Variants in CREB5 observed in about 807,000 individuals in gnomAD.
The protein encoded by CREB5 is cyclic AMP-responsive element-binding protein 5.
In CREB5, 19 loss-of-function variants were observed where a neutral mutation model predicts 57.1. The ratio of observed to expected loss-of-function variants is 0.33; its 90% confidence interval spans 0.23 to 0.49. The LOEUF is 0.49. Among genes scored for constraint, CREB5 ranks in the 20% least tolerant of loss-of-function variants. The pLI, the probability that CREB5 is intolerant of heterozygous loss-of-function variation, is 0.99. For synonymous variants in CREB5, 238 were observed against 238.3 expected, an observed-to-expected ratio of 1.00 and a Z score of 0.01; for missense variants, 579 against 671.6, an observed-to-expected ratio of 0.86 and a Z score of 1.52.
At chr7:28,783,333 A>G (rs1807100638) in intron 7 of CREB5, among the ~76,000 whole-genome samples, 1 of 152,164 alleles carries the variant, frequency 6.6e-6, no homozygotes, top group African/African-American at 2.4e-5. Flanking sequence ...ATATTCTTAT[A>G]TTAGATTCAT....
chr7:28,571,863 C>T (rs765029534), intron 5 of CREB5, among the ~76,000 whole-genome samples: 6 of 152,166 alleles, frequency 3.9e-5, no homozygotes, highest in Admixed American at 1.3e-4. Flanking sequence ...TGTTGCTGGT[C>T]GCTGAGAACT....
intron 5 of CREB5, among the ~76,000 whole-genome samples, chr7:28,607,638 A>G (rs1212510956): frequency 1.3e-5 from 2 of 152,098 alleles, no homozygotes; most frequent in Admixed American, 6.5e-5. Flanking sequence ...AGTGTAGTGC[A>G]TTGGAAGGAA....
chr7:28,741,310 T>C (rs753287893), intron 7 of CREB5, among the ~76,000 whole-genome samples: 1 of 152,148 alleles, frequency 6.6e-6, no homozygotes, highest in Non-Finnish European at 1.5e-5. Flanking sequence ...CCATAACGTA[T>C]CTGAAAGAGC....
chr7:28,604,343 A>G (rs1173701732), intron 5 of CREB5, among the ~76,000 whole-genome samples: 1 of 152,196 alleles, frequency 6.6e-6, no homozygotes, highest in East Asian at 1.9e-4. Context: ...ATTTTCTGCC[A>G]TCATATACTT....
At chr7:28,523,759 A>G (rs1282271359) in intron 4 of CREB5, among the ~76,000 whole-genome samples, 2 of 152,140 alleles carry the variant, frequency 1.3e-5, no homozygotes, top group Admixed American at 6.5e-5. Flanking sequence ...ACCGAATCTA[A>G]TCCACGCATG....
intron 5 of CREB5, among the ~76,000 whole-genome samples, chr7:28,585,260 T>C (rs1796266009): frequency 6.6e-6 from 1 of 152,232 alleles, no homozygotes; most frequent in Non-Finnish European, 1.5e-5. Flanking sequence ...CCTTCTAAGA[T>C]GTTCTTAGCA....
chr7:28,613,626 C>T (rs949885997), intron 5 of CREB5, among the ~76,000 whole-genome samples: 2 of 152,232 alleles, frequency 1.3e-5, no homozygotes, highest in African/African-American at 4.8e-5. Flanking sequence ...TCACCGATTA[C>T]TGGTCATTAA....
intron 4 of CREB5, among the ~76,000 whole-genome samples, chr7:28,548,464 A>C (rs966369492): frequency 1.2e-4 from 18 of 152,188 alleles, no homozygotes; most frequent in African/African-American, 3.9e-4. Flanking sequence ...GATGACATTC[A>C]TGGTACCACC....
At position 28,804,329 on chromosome 7, in the gene CREB5, CGCATCA is replaced by C. The variant is rs941270470; in HGVS notation, c.837_842del (p.His281_Gln282del). 6.2e-7 allele frequency: 1 copy of C among 1,613,636 alleles called. No individual in the cohort carries two copies. Among genetic ancestry groups the C allele is most frequent in the African/African-American group, 1.3e-5 (1 of 74,844 alleles). ...CCACACCATCACATGCACTCGCACCCGCATCAGCACCAGACACTGCCACCCCATCAC... is the reference window on the plus strand; with the variant it reads ...CCACACCATCACATGCACTCGCACCCGCACCAGACACTGCCACCCCATCAC... On this transcript the variant is annotated inframe_deletion, in exon 8 of 11. Coordinates refer to ENST00000357727, the MANE Select transcript of CREB5 (RefSeq NM_182898.4).
Position 28,585,690 on chromosome 7 carries a change from G to A in CREB5, c.464+15153G>A, listed in dbSNP as rs115432475. Among the ~76,000 whole-genome samples, 740 of 152,088 alleles carry A rather than the reference G, an allele frequency of 4.9e-3. 3 individuals are homozygous for A. Among genetic ancestry groups the A allele is most frequent in the Middle Eastern group, 0.017 (5 of 292 alleles). On this transcript the variant is annotated intron_variant, in intron 5 of 10. Transcript: ENST00000357727. ...TATGCTCCCAGAAACCTAATGCTCCGAGAAATCCAATAAAGCCCCACCACC... is the reference window on the plus strand; with the variant it reads ...TATGCTCCCAGAAACCTAATGCTCCAAGAAATCCAATAAAGCCCCACCACC...
intron 4 of CREB5, among the ~76,000 whole-genome samples, chr7:28,538,054 T>C (rs1421990564): frequency 6.6e-6 from 1 of 151,784 alleles, no homozygotes; most frequent in Admixed American, 6.6e-5. Context: ...TCGTTTTGTT[T>C]TGTTTTTATT....
chr7:28,315,335 T>A (rs1258847714), intron 1 of CREB5, among the ~76,000 whole-genome samples: 3 of 152,198 alleles, frequency 2.0e-5, no homozygotes, highest in South Asian at 4.1e-4. Flanking sequence ...GATTTGACAA[T>A]TTTATTTTTT....
At chr7:28,577,178 A>T (rs547107158) in intron 5 of CREB5, among the ~76,000 whole-genome samples, 1 of 152,164 alleles carries the variant, frequency 6.6e-6, no homozygotes, top group Admixed American at 6.5e-5. Flanking sequence ...CTTTACCTAC[A>T]TATAAAGGGG....
chr7:28,469,424 A>G (rs969357611), intron 1 of CREB5, among the ~76,000 whole-genome samples: 1 of 152,210 alleles, frequency 6.6e-6, no homozygotes, highest in African/African-American at 2.4e-5. Context: ...TTTGCTGGGT[A>G]GTCCTGAAAT....
At chr7:28,770,501 A>G (rs1356181950) in intron 7 of CREB5, among the ~76,000 whole-genome samples, 7 of 152,352 alleles carry the variant, frequency 4.6e-5, no homozygotes, top group Non-Finnish European at 1.0e-4. Flanking sequence ...ATGAGTGGGT[A>G]CATTTGTACC....
chr7:28,409,692 G>A (rs1043653433), upstream of CREB5: 1 of 307,372 alleles, frequency 3.3e-6, no homozygotes, highest in Non-Finnish European at 6.4e-6. The surrounding 1 kb of genome is among the most constrained non-coding windows in gnomAD (Gnocchi z 4.4). Context: ...GTAGACTGTG[G>A]AATTCGGCTG....
chr7:28,669,647 A>G (rs1031528404), intron 5 of CREB5, among the ~76,000 whole-genome samples: 8 of 152,334 alleles, frequency 5.3e-5, no homozygotes, highest in East Asian at 1.9e-4. Context: ...GTGGGACTCT[A>G]TCTTCAACAC....
intron 7 of CREB5, among the ~76,000 whole-genome samples, chr7:28,771,093 G>C (rs1478825082): frequency 6.6e-6 from 1 of 152,166 alleles, no homozygotes; most frequent in Non-Finnish European, 1.5e-5. Context: ...GTATGAAATA[G>C]TGGTAGAGCC....
chr7:28,672,219 A>T (rs945872151), intron 5 of CREB5, among the ~76,000 whole-genome samples: 21 of 151,834 alleles, frequency 1.4e-4, no homozygotes, highest in Non-Finnish European at 2.9e-4. Context: ...ACACACAAAC[A>T]CTGGACTAGG....
Sources: gnomAD v4.1 joint callset for allele counts (sites outside exome capture counted in the v4.1 genomes callset) on GRCh38, gnomAD v4.1.1 for gene constraint, Gnocchi (gnomAD v3.1) non-coding constraint, MANE v1.5 for transcripts, NCBI Gene and HGNC (gene_info 2026-07-23, HGNC 2026-07-21) for gene names.